Variants in NDOR1 observed in about 807,000 individuals in gnomAD.
NDOR1 encodes the protein NADPH dependent diflavin oxidoreductase 1.
NDOR1 carries 61 observed loss-of-function variants against 67.2 expected under a neutral mutation model. The ratio of observed to expected loss-of-function variants is 0.91; its 90% CI spans 0.74 to 1.12. NDOR1 has a LOEUF of 1.12. Among genes scored for constraint, NDOR1 ranks in the 50% most tolerant of loss-of-function variants. The pLI, the probability that NDOR1 is intolerant of heterozygous loss-of-function variation, is 0.00. For synonymous variants in NDOR1, 378 were observed against 343.7 expected (o/e 1.10, Z -1.10); for missense variants, 878 against 802.8 (o/e 1.09, Z -1.13).
rs148252379 is a variant in NDOR1, at chr9:137,211,358, C to G, written c.214-1144C>G. Among the ~76,000 whole-genome samples the G allele has an allele frequency of 4.2e-4, 64 of 152,274 alleles. No homozygotes were observed. The East Asian group carries it at 0.011, about 26-fold the overall frequency. On this transcript the variant is annotated intron_variant, in intron 2 of 13. Transcript: ENST00000684003. ...GGCCCTGCTGAGAATGAAAGGGCTA[C>G]CCCCGGGGCATGTCACTGTGGGTTT...
intron 2 of NDOR1, among the ~76,000 whole-genome samples, chr9:137,209,117 G>A (rs571147718): frequency 1.3e-3 from 203 of 152,218 alleles, no homozygotes; most frequent in African/African-American, 4.5e-3. Context: ...TCCTGACCTC[G>A]TGATCCACCT....
chr9:137,213,696 G>A lies in NDOR1; in HGVS notation c.312-84G>A, dbSNP rs1288469905. The A allele has an allele frequency of 8.1e-6, 11 of 1,363,730 alleles. 1 individual carries two copies. The highest frequency in any genetic ancestry group is 4.3e-4 in the Middle Eastern group (2 of 4,632). 84.5% of individuals were successfully genotyped at this position (1,363,730 alleles called of 1,614,324 possible). ...TCCCCAGGCTCCACTCTTCGCCCGG[G>A]CTCCACTCTCCCGGGTTCCACTCTG... On this transcript the variant is annotated intron_variant, in intron 3 of 13. Coordinates refer to ENST00000684003, the MANE Select transcript of NDOR1 (RefSeq NM_014434.4).
At position 137,218,654 on chromosome 9, in the gene NDOR1, C is replaced by A; in HGVS notation, c.*2238C>A. ...AACAGGCCAGGGGGCCCAGACTGGC[C>A]CACGTCCCCATGCCTGGGTGCTGTG... On this transcript the variant is annotated 3_prime_UTR_variant, in exon 14 of 14. Transcript: ENST00000684003. The A allele has an allele frequency of 2.5e-6, 1 of 398,542 alleles. No individual in the cohort carries two copies. Among genetic ancestry groups the A allele is most frequent in the East Asian group, 3.6e-5 (1 of 28,072 alleles). The allele number at this position is 398,542 out of a possible 1,614,324, so 24.7% of individuals were successfully genotyped here.
chr9:137,212,366 T>C lies in NDOR1; in HGVS notation c.214-136T>C. The C allele has an allele frequency of 1.4e-6, 1 of 728,734 alleles. No individual in the cohort carries two copies. The highest frequency in any genetic ancestry group is 1.7e-5 in the South Asian group (1 of 60,512). 45.1% of individuals were successfully genotyped at this position (728,734 alleles called of 1,614,324 possible). A position where few individuals can be genotyped will look rare whatever the true frequency, so the allele number is the denominator to read the frequency against. ...GCAGGCTGGACCTGGGCCCTGCCTT[T>C]TGGTCAGATAGGTCCAGTTGTATTC... On this transcript the variant is annotated intron_variant, in intron 2 of 13. Coordinates refer to ENST00000684003, the MANE Select transcript of NDOR1 (RefSeq NM_014434.4). This position sits in a 1 kb window ranked among gnomAD's most constrained non-coding sequence, Gnocchi z 4.3.
intron 1 of NDOR1, 41 bp downstream of exon 1, chr9:137,205,953 C>T (rs771532204): frequency 2.6e-6 from 4 of 1,528,096 alleles, no homozygotes; most frequent in Admixed American, 4.1e-5. Flanking sequence ...GACGAGCAGG[C>T]CTGGCGTGCC....
In NDOR1 at chr9:137,213,962, C is replaced by T. The variant is rs1235346757; in HGVS notation, c.411-5C>T. 2 of 1,564,872 alleles carry T rather than the reference C, an allele frequency of 1.3e-6. No individual in the cohort carries two copies. The highest frequency in any genetic ancestry group is 2.3e-5 in the South Asian group (2 of 85,722). ...GCTCAGGCCAGCGCACGTGCTCCCT[C>T]CCAGGCCCGACGCTGCTGTGGACCC... is the stretch of plus-strand genomic sequence containing the variant. On this transcript the variant is annotated splice_region_variant and splice_polypyrimidine_tract_variant and intron_variant, in intron 4 of 13. Transcript: ENST00000684003.
Position 137,214,865 on chromosome 9 carries a change from C to G in NDOR1, c.912C>G (p.Asp304Glu). 6.2e-7 allele frequency: 1 copy of G among 1,610,680 alleles called. No individual in the cohort carries two copies. Among genetic ancestry groups the G allele is most frequent in the Non-Finnish European group, 8.5e-7 (1 of 1,180,022 alleles). ...SMRHLVSHYL[D>E]IASVPRRSFF... ...GGCACCTCGTGTCCCACTACCTGGACATCGCCAGCGTGCCTCGCCGCTCCT... is the reference window on the plus strand; with the variant it reads ...GGCACCTCGTGTCCCACTACCTGGAGATCGCCAGCGTGCCTCGCCGCTCCT... The change falls in exon 8 of 14, where the codon GAC (aspartate) becomes GAG (glutamate). Residue 304 changes from aspartate to glutamate, a missense_variant. Physicochemically the swap from Asp to Glu is conservative, Grantham distance 45. Coordinates refer to ENST00000684003, the MANE Select transcript of NDOR1 (RefSeq NM_014434.4).
At chr9:137,206,357 A>G in intron 2 of NDOR1, 48 bp downstream of exon 2, 1 of 1,590,082 alleles carries the variant, frequency 6.3e-7, no homozygotes, top group Non-Finnish European at 8.6e-7. Flanking sequence ...CTCGACCCTC[A>G]CCCCGTTTTC....
chr9:137,208,730 G>A (rs1162672455), intron 2 of NDOR1, among the ~76,000 whole-genome samples: 1 of 151,318 alleles, frequency 6.6e-6, no homozygotes, highest in Non-Finnish European at 1.5e-5. Flanking sequence ...AGGCTGAGGC[G>A]GGAGGAGCTC....
Position 137,212,594 on chromosome 9 carries a change from C to A in NDOR1, c.306C>A (p.Tyr102Ter), listed in dbSNP as rs140847222. The A allele has an allele frequency of 1.1e-5, 18 of 1,612,898 alleles. No homozygotes were observed. Among genetic ancestry groups the A allele is most frequent in the Admixed American group, 1.7e-5 (1 of 59,988 alleles). The change falls in exon 3 of 14, where the codon TAC becomes TAA. Residue 102 changes from tyrosine (Y) to a stop codon, truncating the protein, a stop_gained. Transcript: ENST00000684003. LOFTEE classifies it high-confidence loss of function. This position sits in a 1 kb window ranked among gnomAD's most constrained non-coding sequence, Gnocchi z 4.3. ...TCCTGGGCCTCGGGGACTCCTCATA[C>A]GCCAAGTGAGTAGGGGATGGGACAG... The part of the protein sequence containing the change: ...FAVLGLGDSS[Y>*]AKFNFVAKKL...
At chr9:137,213,752 C>A in intron 3 of NDOR1, 28 bp from the exon 4 acceptor site, 1 of 1,608,126 alleles carries the variant, frequency 6.2e-7, no homozygotes, top group Non-Finnish European at 8.5e-7. Flanking sequence ...CGGGCTCCAG[C>A]CCAGGACCAG....
chr9:137,214,023 T>A lies in NDOR1; in HGVS notation c.467T>A (p.Leu156Gln), dbSNP rs1002022091. The A allele has an allele frequency of 6.5e-7, 1 of 1,548,412 alleles. No individual in the cohort carries two copies. Among genetic ancestry groups the A allele is most frequent in the African/African-American group, 1.4e-5 (1 of 73,518 alleles). ...GACTTGTGGGACAGGGTTCTGGGGCTGTACCCGCCGCCTCCGGGCCTCACT... is the reference window on the plus strand; with the variant it reads ...GACTTGTGGGACAGGGTTCTGGGGCAGTACCCGCCGCCTCCGGGCCTCACT... The part of the protein sequence containing the change: ...LRDLWDRVLG[L>Q]YPPPPGLTEI... The change falls in exon 5 of 14, where the codon CTG (leucine) becomes CAG (glutamine). Residue 156 changes from leucine to glutamine, a missense_variant. Transcript: ENST00000684003.
intron 2 of NDOR1, among the ~76,000 whole-genome samples, chr9:137,208,303 T>G (rs572184863): frequency 6.8e-6 from 1 of 146,772 alleles, no homozygotes; most frequent in Non-Finnish European, 1.5e-5. Flanking sequence ...TACAAAAAAC[T>G]AGCCGGATGT....
Position 137,212,460 on chromosome 9 carries a change from T to C in NDOR1, c.214-42T>C. On this transcript the variant is annotated intron_variant, in intron 2 of 13. Coordinates refer to ENST00000684003, the MANE Select transcript of NDOR1 (RefSeq NM_014434.4). This position sits in a 1 kb window ranked among gnomAD's most constrained non-coding sequence, Gnocchi z 4.3. The stretch of plus-strand genomic sequence containing the variant: ...CTCACCCCCTGCTGTGGGGCTAGCC[T>C]AGAGGTCGAGGACTCTGACTCAGAG... 1.9e-6 allele frequency: 3 copies of C among 1,571,762 alleles called. No homozygotes were observed. The highest frequency in any genetic ancestry group is 2.2e-5 in the South Asian group (2 of 90,254).
In NDOR1 at chr9:137,213,845, C is replaced by T. The variant is rs369041523; in HGVS notation, c.377C>T (p.Pro126Leu). 2.3e-5 allele frequency: 37 copies of T among 1,611,394 alleles called. No individual in the cohort carries two copies. Among genetic ancestry groups the T allele is most frequent in the Non-Finnish European group, 3.1e-5 (36 of 1,179,282 alleles). Residue 126 changes from proline to leucine, a missense_variant, in exon 4 of 14, where the codon CCC becomes CTC. Transcript: ENST00000684003. ...LLQLGGSALL[P>L]VCLGDDQHEL... ...CAGCTTGGGGGCAGCGCCCTCCTGC[C>T]CGTGTGCCTGGGCGATGACCAGCAT...
In NDOR1 at chr9:137,214,629, G is replaced by T; in HGVS notation, c.782G>T (p.Arg261Leu). The change falls in exon 7 of 14, where the codon CGG becomes CTG. Residue 261 changes from arginine to leucine, a missense_variant. By Grantham distance (102) the Arg-to-Leu change is moderately radical (BLOSUM62 -2). Transcript: ENST00000684003. ...TCCAACTCGGCTGCCCATGTCCAGC[G>T]GTTCTGCCAGGTGCTGGGCCTGGAC... ...QPSNSAAHVQ[R>L]FCQVLGLDPD... 1 of 1,609,518 alleles carries T rather than the reference G, an allele frequency of 6.2e-7. No individual in the cohort carries two copies.
chr9:137,206,011 G>C, intron 1 of NDOR1, 99 bp downstream of exon 1: 1 of 1,487,152 alleles, frequency 6.7e-7, no homozygotes, highest in Non-Finnish European at 8.9e-7. Flanking sequence ...TTCTCTGAGA[G>C]CGGGTCTTTC....
At position 137,218,304 on chromosome 9, in the gene NDOR1, C is replaced by T. The variant is rs1049114371; in HGVS notation, c.*1888C>T. 4 of 398,198 alleles carry T rather than the reference C, an allele frequency of 1.0e-5. No individual in the cohort carries two copies. The highest frequency in any genetic ancestry group is 4.1e-5 in the African/African-American group (2 of 48,598). The allele number at this position is 398,198 out of a possible 1,614,324, so 24.7% of individuals were successfully genotyped here. ...CAGGCCGACGGGCCCTCACGCCAGC[C>T]CCGCCGAGAGGCCCCTGCATCCTAT... On this transcript the variant is annotated 3_prime_UTR_variant, in exon 14 of 14. Transcript: ENST00000684003.
chr9:137,208,823 CAA>C (rs993375471), intron 2 of NDOR1, among the ~76,000 whole-genome samples: 1 of 140,874 alleles, frequency 7.1e-6, no homozygotes. Flanking sequence ...GACCCTGTCT[CAA>C]AAAAAAAAAG....
Sources: allele counts gnomAD v4.1 joint callset (sites outside exome capture counted in the v4.1 genomes callset), GRCh38; gene constraint gnomAD v4.1.1; non-coding constraint Gnocchi (gnomAD v3.1); transcripts MANE v1.5; gene names NCBI Gene and HGNC (gene_info 2026-07-23, HGNC 2026-07-21).